The following ZNF292 variants were observed in gnomAD, a reference collection of about 807,000 sequenced individuals.
ZNF292 encodes the protein 16 zinc-finger domain protein.
ZNF292 carries 26 observed loss-of-function variants against 217.9 expected under a neutral mutation model. That is an observed-to-expected ratio of 0.12 (90% CI 0.09 to 0.17). The LOEUF is 0.17. ZNF292 is among the 10% of genes least tolerant of loss of function. The pLI is 1.00. For synonymous variants in ZNF292, 1,257 were observed against 1,124.1 expected, an observed-to-expected ratio of 1.12 and a Z score of -2.37; for missense variants, 2,904 against 3,175.2, an observed-to-expected ratio of 0.91 and a Z score of 2.05.
chr6:87,167,694 T>G (rs1389804007), intron 1 of ZNF292, among the ~76,000 whole-genome samples: 4 of 152,230 alleles, frequency 2.6e-5, no homozygotes, highest in Non-Finnish European at 4.4e-5. Flanking sequence ...CCTTGCTGTT[T>G]GTACATTTAG....
chr6:87,257,153 A>T lies in ZNF292; in HGVS notation c.3524A>T (p.Asn1175Ile). The T allele has an allele frequency of 6.2e-7, 1 of 1,613,926 alleles. No individual in the cohort carries two copies. The highest frequency in any genetic ancestry group is 8.5e-7 in the Non-Finnish European group (1 of 1,179,852). ...NPFFTSQTKA[N>I]GNPACSAQLQ... ...TTTTTTACATCACAGACCAAAGCCA[A>T]TGGGAATCCTGCTTGTTCGGCCCAG... is the stretch of plus-strand genomic sequence containing the variant. The change falls in exon 8 of 8, where the codon AAT becomes ATT. Residue 1175 changes from asparagine to isoleucine, a missense_variant. By Grantham distance (149) the Asn-to-Ile change is moderately radical (BLOSUM62 -3). Transcript: ENST00000369577.
intron 7 of ZNF292, chr6:87,249,407 T>C (rs1462298348): frequency 5.1e-6 from 2 of 389,194 alleles, no homozygotes; most frequent in Non-Finnish European, 1.0e-5. Flanking sequence ...GGATTACAGG[T>C]ATGAGCCACC....
chr6:87,186,563 T>G (rs1379597224), intron 1 of ZNF292, among the ~76,000 whole-genome samples: 1 of 152,122 alleles, frequency 6.6e-6, no homozygotes, highest in East Asian at 1.9e-4. Context: ...CTTAAGTAAA[T>G]AAGATTTCAG....
chr6:87,235,841 G>GA (rs1368605540), intron 5 of ZNF292, among the ~76,000 whole-genome samples: 1 of 151,924 alleles, frequency 6.6e-6, no homozygotes, highest in Non-Finnish European at 1.5e-5. Context: ...TCCATCCCAG[G>GA]AAAAAAACTA....
At chr6:87,225,945 G>T (rs1185268159) in intron 4 of ZNF292, among the ~76,000 whole-genome samples, 2 of 152,126 alleles carry the variant, frequency 1.3e-5, no homozygotes, top group African/African-American at 4.8e-5. Context: ...GTCATCTTGG[G>T]TTTTACTTTT....
chr6:87,162,899 G>A (rs1370994713), intron 1 of ZNF292, among the ~76,000 whole-genome samples: 1 of 152,144 alleles, frequency 6.6e-6, no homozygotes, highest in Non-Finnish European at 1.5e-5. Context: ...ACCAATCAGT[G>A]TGAGTATGCT....
chr6:87,238,550 A>G (rs1478399690), intron 5 of ZNF292, among the ~76,000 whole-genome samples: 1 of 150,866 alleles, frequency 6.6e-6, no homozygotes, highest in Non-Finnish European at 1.5e-5. Context: ...CTTGCCTTAT[A>G]CATAATAGAT....
intron 3 of ZNF292, among the ~76,000 whole-genome samples, chr6:87,216,951 A>G (rs538370934): frequency 1.3e-5 from 2 of 152,030 alleles, no homozygotes; most frequent in Non-Finnish European, 2.9e-5. Flanking sequence ...ATGAGGTACT[A>G]CACAATTTAG....
In ZNF292 at chr6:87,239,783, C is replaced by T. The variant is rs553510117; in HGVS notation, c.742-3692C>T. Among the ~76,000 whole-genome samples, 255 of 149,688 alleles carry T rather than the reference C, an allele frequency of 1.7e-3. 1 individual carries two copies. The highest frequency in any genetic ancestry group is 6.0e-3 in the African/African-American group (240 of 39,836). ...GGTGGGGCAGAGGCGCTCCCCACATCTCAGACAATGGGCAGCCGAGCAGAG... is the reference window on the plus strand; with the variant it reads ...GGTGGGGCAGAGGCGCTCCCCACATTTCAGACAATGGGCAGCCGAGCAGAG... On this transcript the variant is annotated intron_variant, in intron 5 of 7. Coordinates refer to ENST00000369577, the MANE Select transcript of ZNF292 (RefSeq NM_015021.3).
intron 5 of ZNF292, among the ~76,000 whole-genome samples, chr6:87,238,648 AT>A (rs1209049640): frequency 7.7e-6 from 1 of 129,088 alleles, no homozygotes; most frequent in Non-Finnish European, 1.7e-5. Context: ...TATTTTTTTT[AT>A]TTTTTTATTT....
In ZNF292 at chr6:87,241,159, C is replaced by A. The variant is rs936416345; in HGVS notation, c.742-2316C>A. Among the ~76,000 whole-genome samples, 20 of 152,140 alleles carry A rather than the reference C, an allele frequency of 1.3e-4. 1 individual carries two copies. On this transcript the variant is annotated intron_variant, in intron 5 of 7. Transcript: ENST00000369577. ...ATTAGCTGGGCGTGGTGGCACGCAC[C>A]TGTAGTCTCAGCTACTCAGGAGGCT...
chr6:87,173,131 C>T (rs751838356), intron 1 of ZNF292, among the ~76,000 whole-genome samples: 1 of 151,628 alleles, frequency 6.6e-6, no homozygotes, highest in African/African-American at 2.4e-5. Context: ...CTTTTTTATT[C>T]TATATACAGT....
chr6:87,155,925 G>C (rs1428559088), intron 1 of ZNF292, among the ~76,000 whole-genome samples, 166 bp downstream of exon 1: 1 of 152,260 alleles, frequency 6.6e-6, no homozygotes, highest in African/African-American at 2.4e-5. Context: ...GGCTGCAGTT[G>C]TGGCGGTTGT....
At chr6:87,201,438 C>G (rs1020179035) in intron 1 of ZNF292, among the ~76,000 whole-genome samples, 1 of 152,068 alleles carries the variant, frequency 6.6e-6, no homozygotes, top group Non-Finnish European at 1.5e-5. Context: ...GAGTTTTGCT[C>G]TTGTTGCCCA....
At chr6:87,161,834 C>T (rs887224380) in intron 1 of ZNF292, among the ~76,000 whole-genome samples, 1 of 152,168 alleles carries the variant, frequency 6.6e-6, no homozygotes, top group African/African-American at 2.4e-5. Context: ...ATCTTTTTCC[C>T]ATTCTAGAGT....
rs1212716241 is a variant in ZNF292 at position 87,259,087 on chromosome 6, C to G, written c.5458C>G (p.Pro1820Ala). ...SPFSSFISVM[P>A]TKSNIPQSEV... ...GTTTTCCTCCTTTATAAGTGTCATG[C>G]CAACAAAAAGTAACATTCCTCAGTC... The change falls in exon 8 of 8, where the codon CCA (proline) becomes GCA (alanine). Residue 1820 changes from proline (P) to alanine (A), a missense_variant. Pro to Ala is a conservative substitution (Grantham distance 27). Coordinates refer to ENST00000369577, the MANE Select transcript of ZNF292 (RefSeq NM_015021.3). 5.0e-6 allele frequency: 8 copies of G among 1,612,966 alleles called. No homozygotes were observed. The highest frequency in any genetic ancestry group is 6.8e-6 in the Non-Finnish European group (8 of 1,179,526).
chr6:87,239,910 G>A (rs1007588504), intron 5 of ZNF292, among the ~76,000 whole-genome samples: 3 of 151,762 alleles, frequency 2.0e-5, no homozygotes, highest in African/African-American at 7.3e-5. Context: ...CCAGACGATG[G>A]GTGGCCAGGC....
chr6:87,257,828 G>A lies in ZNF292; in HGVS notation c.4199G>A (p.Cys1400Tyr). The stretch of plus-strand genomic sequence containing the variant: ...GGGCACTTATCCAAGCGATCTTACT[G>A]TAAACCACTGGATGGAGCCGAAATT... ...LGGHLSKRSY[C>Y]KPLDGAEIAQ... Residue 1400 changes from cysteine (C) to tyrosine (Y), a missense_variant, in exon 8 of 8, where the codon TGT (cysteine) becomes TAT (tyrosine). By Grantham distance (194) the Cys-to-Tyr change is radical. This residue lies in a region of ZNF292 where 23 missense variants were observed against 51.3 expected (regional missense o/e 0.45). Transcript: ENST00000369577. 6.2e-7 allele frequency: 1 copy of A among 1,613,836 alleles called. No homozygotes were observed. Among genetic ancestry groups the A allele is most frequent in the Non-Finnish European group, 8.5e-7 (1 of 1,179,792 alleles).
rs1375537132 is a variant in ZNF292 at position 87,257,543 on chromosome 6, C to T, written c.3914C>T (p.Thr1305Ile). Residue 1305 changes from threonine (T) to isoleucine (I), a missense_variant, in exon 8 of 8, where the codon ACT becomes ATT. Physicochemically the swap from Thr to Ile is moderately conservative, Grantham distance 89. Transcript: ENST00000369577. The part of the protein sequence containing the change: ...NHYSSQIEGN[T>I]NSSFLKGGNG... ...TATTCCTCACAGATTGAAGGAAACACTAATTCCTCCTTTCTAAAGGGGGGT... is the reference window on the plus strand; with the variant it reads ...TATTCCTCACAGATTGAAGGAAACATTAATTCCTCCTTTCTAAAGGGGGGT... 1.9e-6 allele frequency: 3 copies of T among 1,607,518 alleles called. No homozygotes were observed. The highest frequency in any genetic ancestry group is 1.7e-5 in the Admixed American group (1 of 58,858).
Sources: allele counts gnomAD v4.1 joint callset (sites outside exome capture counted in the v4.1 genomes callset), GRCh38; gene constraint gnomAD v4.1.1; regional missense constraint gnomAD v4.1.1; transcripts MANE v1.5; gene names NCBI Gene and HGNC (gene_info 2026-07-23, HGNC 2026-07-21).